Variants in ZUP1 observed in about 807,000 individuals in gnomAD.
The protein encoded by ZUP1 is zinc finger containing ubiquitin peptidase 1, also known as zinc finger-containing ubiquitin peptidase 1.
Under a neutral mutation model 68.1 loss-of-function variants are expected in ZUP1, and 55 were observed. That is an observed-to-expected ratio of 0.81 (90% confidence interval 0.65 to 1.01). The LOEUF (loss-of-function observed/expected upper bound fraction) is 1.01, where lower values mean the gene tolerates loss of function less well. Among genes scored for constraint, ZUP1 ranks in the 50% least tolerant of loss-of-function variants. ZUP1 has a pLI of 0.00. For missense variants in ZUP1, 684 were observed against 674.9 expected, an observed-to-expected ratio of 1.01 and a Z score of -0.15; for synonymous variants, 223 against 221.5, an observed-to-expected ratio of 1.01 and a Z score of -0.06.
intron 4 of ZUP1, among the ~76,000 whole-genome samples, chr6:116,657,677 G>A (rs1047634396): frequency 2.0e-5 from 3 of 152,160 alleles, no homozygotes; most frequent in African/African-American, 7.2e-5. Context: ...TATATTAAAG[G>A]CTTTGAGAAG....
intron 4 of ZUP1, among the ~76,000 whole-genome samples, chr6:116,658,034 A>C (rs1037336349): frequency 5.3e-5 from 8 of 152,238 alleles, no homozygotes; most frequent in Non-Finnish European, 1.0e-4. Context: ...CGGAGGTTGC[A>C]GTGAACCAAG....
At chr6:116,638,079 A>AC (rs1263747224) in intron 9 of ZUP1, among the ~76,000 whole-genome samples, 1 of 151,818 alleles carries the variant, frequency 6.6e-6, no homozygotes, top group African/African-American at 2.4e-5. Context: ...AAAAAAAAAA[A>AC]AAAAAACCTT....
intron 4 of ZUP1, 103 bp downstream of exon 4, chr6:116,658,699 AT>A (rs530596880): frequency 1.5e-4 from 167 of 1,129,686 alleles, no homozygotes; most frequent in African/African-American, 2.6e-4. Context: ...ACATGTATAA[AT>A]TTTTTTTGAA....
chr6:116,651,191 T>C (rs1776479109), intron 7 of ZUP1, among the ~76,000 whole-genome samples: 1 of 152,164 alleles, frequency 6.6e-6, no homozygotes, highest in African/African-American at 2.4e-5. Context: ...AAGCAATATT[T>C]ACACAATTGT....
intron 9 of ZUP1, among the ~76,000 whole-genome samples, chr6:116,642,303 A>C (rs1776130161): frequency 6.6e-6 from 1 of 152,222 alleles, no homozygotes; most frequent in African/African-American, 2.4e-5. Context: ...TCCGATCAAT[A>C]GAAAAAGAGG....
intron 9 of ZUP1, among the ~76,000 whole-genome samples, chr6:116,638,815 G>C (rs913397107): frequency 6.6e-6 from 1 of 152,182 alleles, no homozygotes; most frequent in East Asian, 1.9e-4. Context: ...CATCTCACTA[G>C]GGAGTGCCAG....
chr6:116,656,909 T>A (rs1228958281), intron 4 of ZUP1, 57 bp from the exon 5 acceptor site: 1 of 1,174,200 alleles, frequency 8.5e-7, no homozygotes, highest in East Asian at 2.7e-5. Context: ...TCTATGAGGA[T>A]GGAAACTTAT....
intron 7 of ZUP1, among the ~76,000 whole-genome samples, chr6:116,650,515 A>C (rs1175429969): frequency 6.6e-6 from 1 of 152,110 alleles, no homozygotes; most frequent in Non-Finnish European, 1.5e-5. Flanking sequence ...TCAAACAACA[A>C]TAGTTAACCT....
At chr6:116,643,747 C>G (rs1197380385) in intron 9 of ZUP1, among the ~76,000 whole-genome samples, 1 of 152,172 alleles carries the variant, frequency 6.6e-6, no homozygotes, top group Admixed American at 6.5e-5. Flanking sequence ...AGAAGAAAAC[C>G]TAGGCATTAC....
intron 6 of ZUP1, 76 bp from the exon 7 acceptor site, chr6:116,651,813 T>A: frequency 6.5e-7 from 1 of 1,535,788 alleles, no homozygotes; most frequent in Non-Finnish European, 8.8e-7. Flanking sequence ...TATTATGTAC[T>A]CGGGGAACTT....
At chr6:116,656,641 A>G in intron 5 of ZUP1, 43 bp downstream of exon 5, 1 of 1,479,488 alleles carries the variant, frequency 6.8e-7, no homozygotes, top group South Asian at 1.3e-5. Flanking sequence ...CTTCAGTGGT[A>G]TAAGCAATAT....
chr6:116,649,316 C>T (rs907578745), intron 7 of ZUP1, among the ~76,000 whole-genome samples: 1 of 151,970 alleles, frequency 6.6e-6, no homozygotes, highest in East Asian at 1.9e-4. Context: ...CCATTAAACA[C>T]GATCACAGAC....
intron 5 of ZUP1, among the ~76,000 whole-genome samples, chr6:116,655,620 T>C (rs80029390): frequency 0.025 from 3,789 of 152,204 alleles, 115 homozygotes; most frequent in South Asian, 0.13. Flanking sequence ...AATATACTAA[T>C]ATATACAAAG....
Position 116,651,704 on chromosome 6 carries a change from G to C in ZUP1, c.1184C>G (p.Ser395Cys). 6 of 1,613,656 alleles carry C rather than the reference G, an allele frequency of 3.7e-6. No homozygotes were observed. The highest frequency in any genetic ancestry group is 5.1e-6 in the Non-Finnish European group (6 of 1,179,794). ...TTCCTTCCATGCATCTTCAATCATAGATTGAATTTTTGGAATGCAAGGAAT... is the reference window on the plus strand; with the variant it reads ...TTCCTTCCATGCATCTTCAATCATACATTGAATTTTTGGAATGCAAGGAAT... ...MLIPCIPKIQSMIEDAWKEGF... is the reference protein window; with the variant it reads ...MLIPCIPKIQCMIEDAWKEGF... The change falls in exon 7 of 10, where the codon TCT becomes TGT. Residue 395 changes from serine (S) to cysteine (C), a missense_variant. Transcript: ENST00000368576.
At chr6:116,658,370 A>T (rs182249095) in intron 4 of ZUP1, among the ~76,000 whole-genome samples, 1 of 152,362 alleles carries the variant, frequency 6.6e-6, no homozygotes, top group Admixed American at 6.5e-5. Context: ...TTTAAGACTC[A>T]GGAGACATTA....
chr6:116,645,713 C>T lies in ZUP1; in HGVS notation c.1689+1G>A. 2 of 1,587,124 alleles carry T rather than the reference C, an allele frequency of 1.3e-6. No homozygotes were observed. Among genetic ancestry groups the T allele is most frequent in the Non-Finnish European group, 1.7e-6 (2 of 1,166,166 alleles). On this transcript the variant is annotated splice_donor_variant, in intron 9 of 9. Transcript: ENST00000368576. LOFTEE classifies it high-confidence loss of function. Reference sequence around the variant, plus strand: ...TCACATATAAATATTTAGATACTTACAAGTTTCTCCTCTAGAGAAAGAGCA... The same window carrying T: ...TCACATATAAATATTTAGATACTTATAAGTTTCTCCTCTAGAGAAAGAGCA...
At chr6:116,657,401 C>A (rs1776705065) in intron 4 of ZUP1, among the ~76,000 whole-genome samples, 1 of 152,138 alleles carries the variant, frequency 6.6e-6, no homozygotes, top group African/African-American at 2.4e-5. Context: ...GAGATCTAAA[C>A]AACTAACTTG....
intron 9 of ZUP1, among the ~76,000 whole-genome samples, chr6:116,640,906 G>A (rs1776075592): frequency 6.7e-6 from 1 of 148,774 alleles, no homozygotes; most frequent in Non-Finnish European, 1.5e-5. Flanking sequence ...ATTGGATAAA[G>A]AGTCAAGACC....
At position 116,646,550 on chromosome 6, in the gene ZUP1, G is replaced by A. The variant is rs958647401; in HGVS notation, c.1469-616C>T. On this transcript the variant is annotated intron_variant, in intron 8 of 9. Transcript: ENST00000368576. ...TCTATAAATGAGGTAAATAAGTGAA[G>A]AAAATGCCAGCGGTGGGATGCTGGG... is the stretch of plus-strand genomic sequence containing the variant. Among the ~76,000 whole-genome samples, 13 of 152,302 alleles carry A rather than the reference G, an allele frequency of 8.5e-5. No individual in the cohort carries two copies. The South Asian group carries it at 2.1e-3, about 24-fold the overall frequency.
Sources: allele counts gnomAD v4.1 joint callset (sites outside exome capture counted in the v4.1 genomes callset), GRCh38; gene constraint gnomAD v4.1.1; transcripts MANE v1.5; gene names NCBI Gene and HGNC (gene_info 2026-07-23, HGNC 2026-07-21).